The following ATF1 variants were observed in gnomAD, a reference collection of about 807,000 sequenced individuals.
The protein encoded by ATF1 is cyclic AMP-dependent transcription factor ATF-1.
A neutral mutation model predicts 34.7 loss-of-function variants in ATF1; 16 were observed. That is an observed-to-expected ratio of 0.46 (90% CI 0.31 to 0.70). The LOEUF is 0.70. Among genes scored for constraint, ATF1 ranks in the 30% least tolerant of loss-of-function variants. The pLI is 0.05. For synonymous variants in ATF1, 105 were observed against 113.1 expected, an observed-to-expected ratio of 0.93 and a Z score of 0.46; for missense variants, 255 against 321.6, an observed-to-expected ratio of 0.79 and a Z score of 1.58.
chr12:50,769,214 T>C (rs1387822139), intron 1 of ATF1, among the ~76,000 whole-genome samples: 1 of 152,006 alleles, frequency 6.6e-6, no homozygotes, highest in Non-Finnish European at 1.5e-5. Flanking sequence ...TAAATAATTA[T>C]TCTAAGTTGG....
At position 50,783,865 on chromosome 12, in the gene ATF1, TG is replaced by T. The variant is rs759193908; in HGVS notation, c.93+3628del. Among the ~76,000 whole-genome samples the T allele has an allele frequency of 2.2e-4, 25 of 113,642 alleles. 1 individual carries two copies. Among genetic ancestry groups the T allele is most frequent in the Non-Finnish European group, 2.5e-4 (14 of 54,966 alleles). The allele number at this position is 113,642 out of a possible 152,430, so 74.6% of individuals were successfully genotyped here. ...CTGGGCGACAGCGCAAAACTCCGTC[TG>T]AAAAAAAAAAAAAAAAAATGGCTGG... On this transcript the variant is annotated intron_variant, in intron 2 of 6. Coordinates refer to ENST00000262053, the MANE Select transcript of ATF1 (RefSeq NM_005171.5).
At chr12:50,797,079 TTACCTAGAATGGA>T (rs889392342) in intron 3 of ATF1, among the ~76,000 whole-genome samples, 1 of 152,018 alleles carries the variant, frequency 6.6e-6, no homozygotes, top group African/African-American at 2.4e-5. Flanking sequence ...TCTGAGTAGA[TTACCTAGAATGGA>T]ACACAGAAAG....
intron 6 of ATF1, among the ~76,000 whole-genome samples, chr12:50,815,841 C>T (rs774747776): frequency 2.0e-5 from 3 of 152,160 alleles, no homozygotes; most frequent in Non-Finnish European, 2.9e-5. Flanking sequence ...GCACTATTCA[C>T]GCACAATAGC....
At chr12:50,791,373 T>C (rs1343078827) in intron 2 of ATF1, among the ~76,000 whole-genome samples, 2 of 152,110 alleles carry the variant, frequency 1.3e-5, no homozygotes, top group African/African-American at 4.8e-5. Flanking sequence ...CTGGCCAACA[T>C]GGGGAAACCC....
intron 6 of ATF1, among the ~76,000 whole-genome samples, chr12:50,816,665 G>A (rs909650716): frequency 2.0e-5 from 3 of 152,156 alleles, no homozygotes; most frequent in Admixed American, 6.5e-5. Context: ...GGCCAAGGCA[G>A]GAGGATCACT....
At chr12:50,766,251 C>T (rs1449192060) in intron 1 of ATF1, among the ~76,000 whole-genome samples, 2 of 152,110 alleles carry the variant, frequency 1.3e-5, no homozygotes, top group Non-Finnish European at 2.9e-5. Flanking sequence ...ACAGTGGGTT[C>T]GAGGCCCCTC....
At chr12:50,811,373 G>A (rs1941733617) in intron 4 of ATF1, among the ~76,000 whole-genome samples, 2 of 151,870 alleles carry the variant, frequency 1.3e-5, no homozygotes, top group Admixed American at 1.3e-4. Flanking sequence ...GATCCTTAAG[G>A]GAAAGAACCT....
intron 1 of ATF1, among the ~76,000 whole-genome samples, chr12:50,769,354 AAGTT>A (rs1296642597): frequency 1.3e-5 from 2 of 152,102 alleles, no homozygotes; most frequent in Non-Finnish European, 2.9e-5. Flanking sequence ...AAAAATACAA[AAGTT>A]AGCCGGGCAT....
At chr12:50,817,284 GA>G (rs1157551781) in intron 6 of ATF1, among the ~76,000 whole-genome samples, 2 of 151,800 alleles carry the variant, frequency 1.3e-5, no homozygotes, top group African/African-American at 2.4e-5. Context: ...AAAATGGGGG[GA>G]AAAAAGAATA....
intron 2 of ATF1, among the ~76,000 whole-genome samples, chr12:50,785,667 C>G (rs1193715172): frequency 6.6e-6 from 1 of 152,152 alleles, no homozygotes; most frequent in Admixed American, 6.5e-5. Flanking sequence ...GAATCTACTT[C>G]CAAGGTCACT....
Position 50,808,317 on chromosome 12 carries a change from G to GT in ATF1, c.195-1130dup, listed in dbSNP as rs879684264. ...ACTTCGTTTGGAGAACTGTTTTATT[G>GT]TTTTTTTTTGTTTGTTTTTGTTTCT... On this transcript the variant is annotated intron_variant, in intron 3 of 6. Coordinates refer to ENST00000262053, the MANE Select transcript of ATF1 (RefSeq NM_005171.5). 2.3e-3 allele frequency among the ~76,000 whole-genome samples: 346 copies of GT among 150,154 alleles called. 3 individuals are homozygous for GT. Among genetic ancestry groups the GT allele is most frequent in the East Asian group, 0.021 (105 of 5,088 alleles).
At chr12:50,787,407 G>A (rs1436059219) in intron 2 of ATF1, among the ~76,000 whole-genome samples, 1 of 152,076 alleles carries the variant, frequency 6.6e-6, no homozygotes, top group African/African-American at 2.4e-5. Context: ...TTCAGCAGAG[G>A]GTTAGAAACT....
intron 1 of ATF1, among the ~76,000 whole-genome samples, chr12:50,772,346 G>A (rs888119089): frequency 2.1e-5 from 3 of 139,728 alleles, no homozygotes; most frequent in African/African-American, 7.9e-5. Flanking sequence ...TCTTTTTTGA[G>A]ATGGAGTTTC....
chr12:50,815,613 C>T (rs966266204), intron 6 of ATF1, among the ~76,000 whole-genome samples: 1 of 151,524 alleles, frequency 6.6e-6, no homozygotes, highest in Non-Finnish European at 1.5e-5. Flanking sequence ...GGTCTCAGAC[C>T]TGGGCTCAAG....
Position 50,819,775 on chromosome 12 carries a change from T to G in ATF1, c.812T>G (p.Val271Gly). 1 of 1,528,418 alleles carries G rather than the reference T, an allele frequency of 6.5e-7. No homozygotes were observed. The highest frequency in any genetic ancestry group is 8.9e-7 in the Non-Finnish European group (1 of 1,125,664). 94.7% of individuals were successfully genotyped at this position (1,528,418 alleles called of 1,614,324 possible). Residue 271 changes from valine (V) to glycine (G), a missense_variant, in exon 7 of 7, where the codon GTT (valine) becomes GGT (glycine). Coordinates refer to ENST00000262053, the MANE Select transcript of ATF1 (RefSeq NM_005171.5). Reference sequence around the variant, plus strand: ...AAGGATCTTTATTCCAATAAAAGTGTTTGATTCCTAAGAAAGAAAATATTT... The same window carrying G: ...AAGGATCTTTATTCCAATAAAAGTGGTTGATTCCTAAGAAAGAAAATATTT... ...TLKDLYSNKS[V>G]
At chr12:50,767,331 C>T (rs1940661806) in intron 1 of ATF1, among the ~76,000 whole-genome samples, 1 of 152,052 alleles carries the variant, frequency 6.6e-6, no homozygotes, top group Non-Finnish European at 1.5e-5. Context: ...CAGCCGTGGC[C>T]AACATGGTGA....
intron 3 of ATF1, among the ~76,000 whole-genome samples, chr12:50,804,829 C>T (rs904671788): frequency 3.4e-5 from 5 of 149,208 alleles, no homozygotes; most frequent in Non-Finnish European, 5.9e-5. Context: ...TTTTTTTTCC[C>T]GAGACGGAGT....
At chr12:50,782,234 GTTT>G (rs200221395) in intron 2 of ATF1, among the ~76,000 whole-genome samples, 1 of 138,706 alleles carries the variant, frequency 7.2e-6, no homozygotes, top group African/African-American at 2.6e-5. Context: ...TTCTTTTTCT[GTTT>G]TTTTTGTTTG....
chr12:50,805,269 A>G (rs1472930599), intron 3 of ATF1, among the ~76,000 whole-genome samples: 2 of 151,856 alleles, frequency 1.3e-5, no homozygotes, highest in African/African-American at 4.8e-5. Context: ...TAATAGGTAC[A>G]GGAAGGCTAG....
Sources: allele counts gnomAD v4.1 joint callset (sites outside exome capture counted in the v4.1 genomes callset), GRCh38; gene constraint gnomAD v4.1.1; transcripts MANE v1.5; gene names NCBI Gene and HGNC (gene_info 2026-07-23, HGNC 2026-07-21).